The following MYRIP variants were observed in gnomAD, a reference collection of about 807,000 sequenced individuals.
The protein encoded by MYRIP is rab effector MyRIP.
In MYRIP, 49 loss-of-function variants were observed where a neutral mutation model predicts 98.0. The observed-to-expected ratio is 0.50, with a 90% CI of 0.40 to 0.63. MYRIP has a LOEUF of 0.63. MYRIP is among the 30% of genes least tolerant of loss of function. The pLI, the probability that MYRIP is intolerant of heterozygous loss-of-function variation, is 0.00. For missense variants in MYRIP, 1,004 were observed against 1,058.2 expected (o/e 0.95, Z 0.71); for synonymous variants, 404 against 409.5 (o/e 0.99, Z 0.16).
At chr3:40,110,396 G>C (rs1302430141) in intron 3 of MYRIP, among the ~76,000 whole-genome samples, 1 of 152,258 alleles carries the variant, frequency 6.6e-6, no homozygotes, top group African/African-American at 2.4e-5. Flanking sequence ...TTAGAGGCAA[G>C]AGGCCAAGGC....
chr3:40,144,979 C>A (rs750189799), intron 3 of MYRIP, among the ~76,000 whole-genome samples: 1 of 152,186 alleles, frequency 6.6e-6, no homozygotes, highest in African/African-American at 2.4e-5. Context: ...GAGGACTCAT[C>A]ATTTTAGAGC....
chr3:39,903,642 A>G (rs1052185445), intron 2 of MYRIP, among the ~76,000 whole-genome samples: 2 of 152,238 alleles, frequency 1.3e-5, no homozygotes, highest in African/African-American at 4.8e-5. Flanking sequence ...TAAAGCAGTC[A>G]GCTTGAACTG....
At chr3:39,838,010 CTCTG>C (rs1452502516) in intron 1 of MYRIP, among the ~76,000 whole-genome samples, 1 of 152,092 alleles carries the variant, frequency 6.6e-6, no homozygotes, top group African/African-American at 2.4e-5. Flanking sequence ...TGATTTGGCT[CTCTG>C]TCTACTATTG....
At chr3:39,850,231 T>C (rs898781818) in intron 1 of MYRIP, among the ~76,000 whole-genome samples, 1 of 152,200 alleles carries the variant, frequency 6.6e-6, no homozygotes, top group Non-Finnish European at 1.5e-5. Flanking sequence ...TACCAAGCAT[T>C]CTCTGGCTCC....
chr3:40,044,309 A>G, intron 3 of MYRIP, 38 bp downstream of exon 3: 1 of 1,581,494 alleles, frequency 6.3e-7, no homozygotes, highest in Non-Finnish European at 8.7e-7. Flanking sequence ...TACACTGTTG[A>G]TTTAGAGAGA....
At chr3:39,885,633 C>T (rs1430704287) in intron 1 of MYRIP, among the ~76,000 whole-genome samples, 1 of 152,058 alleles carries the variant, frequency 6.6e-6, no homozygotes, top group East Asian at 1.9e-4. Context: ...TTCAGGTACA[C>T]CAATCAGACA....
chr3:39,850,697 T>C (rs893031337), intron 1 of MYRIP, among the ~76,000 whole-genome samples: 1 of 152,254 alleles, frequency 6.6e-6, no homozygotes, highest in Non-Finnish European at 1.5e-5. Context: ...TTTTAATGCA[T>C]ATTTTTTTCA....
At chr3:39,916,638 A>G (rs1944166708) in intron 2 of MYRIP, among the ~76,000 whole-genome samples, 1 of 152,122 alleles carries the variant, frequency 6.6e-6, no homozygotes, top group Non-Finnish European at 1.5e-5. Flanking sequence ...ATATTTGGAC[A>G]TAAGCATACC....
intron 3 of MYRIP, among the ~76,000 whole-genome samples, chr3:40,046,033 G>A (rs1488309460): frequency 6.6e-6 from 1 of 152,142 alleles, no homozygotes; most frequent in Non-Finnish European, 1.5e-5. Flanking sequence ...TAGATCAGTT[G>A]AGTGGTGACC....
At chr3:39,964,990 C>A (rs570614396) in intron 2 of MYRIP, among the ~76,000 whole-genome samples, 6 of 152,154 alleles carry the variant, frequency 3.9e-5, no homozygotes, top group African/African-American at 1.4e-4. Flanking sequence ...TTGAAATAAC[C>A]CGTTACCTGG....
rs370920634 is a variant in MYRIP at position 40,182,304 on chromosome 3, C to T, written c.958C>T (p.Gln320Ter). The T allele has an allele frequency of 7.2e-5, 117 of 1,613,882 alleles. No homozygotes were observed. Among genetic ancestry groups the T allele is most frequent in the Non-Finnish European group, 7.6e-6 (9 of 1,179,988 alleles). The change falls in exon 9 of 17, where the codon CAA (glutamine) becomes TAA (stop). Residue 320 changes from glutamine (Q) to a stop codon, truncating the protein, a stop_gained. Coordinates refer to ENST00000302541, the MANE Select transcript of MYRIP (RefSeq NM_015460.4). LOFTEE classifies it high-confidence loss of function. ...GGCTCCATCGAGGCAGCCAAGGGAC[C>T]AAGGCCAACACCCGAGAGCAGAGTC... ...VEAPSRQPRD[Q>*]GQHPRAESAL...
chr3:40,047,581 T>C lies in MYRIP; in HGVS notation c.332+3310T>C, dbSNP rs559122898. ...GAAATGTTGCTGCTTTAATCTTGTA[T>C]TATGTCTTGAGATTATTATTGGCTG... is the stretch of plus-strand genomic sequence containing the variant. On this transcript the variant is annotated intron_variant, in intron 3 of 16. Coordinates refer to ENST00000302541, the MANE Select transcript of MYRIP (RefSeq NM_015460.4). Among the ~76,000 whole-genome samples, 65 of 152,342 alleles carry C rather than the reference T, an allele frequency of 4.3e-4. 2 individuals are homozygous for C. The Middle Eastern group carries it at 0.02, about 48-fold the overall frequency.
chr3:40,004,706 C>T (rs1946594565), intron 2 of MYRIP, among the ~76,000 whole-genome samples: 1 of 152,136 alleles, frequency 6.6e-6, no homozygotes. Context: ...GCTTAGCTCC[C>T]ACTTATAAGT....
chr3:40,161,620 G>A (rs1950397124), intron 4 of MYRIP, among the ~76,000 whole-genome samples: 1 of 152,098 alleles, frequency 6.6e-6, no homozygotes, highest in African/African-American at 2.4e-5. Context: ...TGTCTTTACT[G>A]GGATTTATAA....
At chr3:40,004,931 C>T (rs906481970) in intron 2 of MYRIP, among the ~76,000 whole-genome samples, 2 of 152,044 alleles carry the variant, frequency 1.3e-5, no homozygotes, top group Admixed American at 6.6e-5. Context: ...TCAACCCTTG[C>T]CCCCTCCCTC....
chr3:39,923,405 T>C (rs933784172), intron 2 of MYRIP, among the ~76,000 whole-genome samples: 1 of 151,754 alleles, frequency 6.6e-6, no homozygotes, highest in African/African-American at 2.4e-5. Flanking sequence ...CTAACTATAC[T>C]CTTGAAAACA....
At chr3:40,030,536 T>C (rs1038002682) in intron 2 of MYRIP, among the ~76,000 whole-genome samples, 2 of 152,204 alleles carry the variant, frequency 1.3e-5, no homozygotes, top group Admixed American at 6.5e-5. Flanking sequence ...TGAATGTTTA[T>C]ATCAGCACTC....
At chr3:40,069,475 C>T (rs925473541) in intron 3 of MYRIP, among the ~76,000 whole-genome samples, 2 of 151,026 alleles carry the variant, frequency 1.3e-5, no homozygotes, top group African/African-American at 2.4e-5. Flanking sequence ...ATTAAATGTA[C>T]AGCTCAGTGG....
intron 13 of MYRIP, 126 bp from the exon 14 acceptor site, chr3:40,250,092 TTGAA>T (rs547316885): frequency 2.8e-4 from 202 of 709,142 alleles, no homozygotes; most frequent in Non-Finnish European, 3.4e-4. Context: ...TTGGTAGAAG[TTGAA>T]TGAATGAATG....
Sources: allele counts gnomAD v4.1 joint callset (sites outside exome capture counted in the v4.1 genomes callset), GRCh38; gene constraint gnomAD v4.1.1; transcripts MANE v1.5; gene names NCBI Gene and HGNC (gene_info 2026-07-23, HGNC 2026-07-21).